Variants in TMC2 observed in about 807,000 individuals in gnomAD.
TMC2 encodes transmembrane channel-like protein 2.
A neutral mutation model predicts 105.9 loss-of-function variants in TMC2; 102 were observed. The ratio of observed to expected loss-of-function variants is 0.96; its 90% CI spans 0.82 to 1.14. The LOEUF (loss-of-function observed/expected upper bound fraction) is 1.14, where lower values mean the gene tolerates loss of function less well. Ranked by LOEUF, TMC2 falls within the 50% of genes most tolerant of loss-of-function variation. The pLI is 0.00. For missense variants in TMC2, 1,093 were observed against 1,134.3 expected (o/e 0.96, Z 0.52); for synonymous variants, 402 against 422.8 (o/e 0.95, Z 0.60).
intron 14 of TMC2, chr20:2,613,800 A>G (rs925302753): frequency 1.0e-4 from 24 of 233,614 alleles, no homozygotes; most frequent in Middle Eastern, 3.2e-3. Context: ...TTCCCCACCT[A>G]CCTGGTAAAT....
Position 2,546,449 on chromosome 20 carries a change from GA to G in TMC2, c.82+9135del, listed in dbSNP as rs1397558173. Among the ~76,000 whole-genome samples, 3 of 132,418 alleles carry G rather than the reference GA, an allele frequency of 2.3e-5. No individual in the cohort carries two copies. The East Asian group carries it at 6.4e-4, about 28-fold the overall frequency. 86.9% of individuals were successfully genotyped at this position (132,418 alleles called of 152,430 possible). ...GAGGCAGGTAAAAGAATAGGAAAGA[GA>G]AGAATATTGATTATAGAGTAGTAAC... On this transcript the variant is annotated intron_variant, in intron 2 of 19. Transcript: ENST00000358864.
intron 4 of TMC2, among the ~76,000 whole-genome samples, chr20:2,571,077 G>C (rs1056114105): frequency 6.6e-6 from 1 of 152,110 alleles, no homozygotes; most frequent in African/African-American, 2.4e-5. Context: ...TATCATTCTG[G>C]ATATTGGCCT....
At chr20:2,547,841 T>G (rs1358937660) in intron 2 of TMC2, among the ~76,000 whole-genome samples, 1 of 152,246 alleles carries the variant, frequency 6.6e-6, no homozygotes, top group East Asian at 1.9e-4. Context: ...ACCTTTATTA[T>G]CTTAAATAAA....
In TMC2 at chr20:2,565,450, C is replaced by T. The variant is rs936925470; in HGVS notation, c.554+3440C>T. Among the ~76,000 whole-genome samples, 3 of 152,256 alleles carry T rather than the reference C, an allele frequency of 2.0e-5. No individual in the cohort carries two copies. In the East Asian group the frequency reaches 5.8e-4, roughly 29 times the overall value. Reference sequence around the variant, plus strand: ...TAGAGACAAGGTCTCGCTATGTTGCCGGGACTGGTCTCGAACTCCTGGGCT... The same window carrying T: ...TAGAGACAAGGTCTCGCTATGTTGCTGGGACTGGTCTCGAACTCCTGGGCT... On this transcript the variant is annotated intron_variant, in intron 4 of 19. Coordinates refer to ENST00000358864, the MANE Select transcript of TMC2 (RefSeq NM_080751.3).
Position 2,642,291 on chromosome 20 carries a change from T to C in TMC2, c.*940T>C, listed in dbSNP as rs754362444. Among the ~76,000 whole-genome samples, 8 of 152,084 alleles carry C rather than the reference T, an allele frequency of 5.3e-5. No individual in the cohort carries two copies. Among genetic ancestry groups the C allele is most frequent in the Non-Finnish European group, 1.5e-5 (1 of 68,018 alleles). On this transcript the variant is annotated 3_prime_UTR_variant, in exon 20 of 20. Coordinates refer to ENST00000358864, the MANE Select transcript of TMC2 (RefSeq NM_080751.3). ...AAAGACCAGTCATGGAGAGTGGGGA[T>C]TGGTGGGAAGACTGGTGATACCCCA...
chr20:2,566,646 T>A (rs1401156078), intron 4 of TMC2, among the ~76,000 whole-genome samples: 1 of 152,166 alleles, frequency 6.6e-6, no homozygotes, highest in African/African-American at 2.4e-5. Context: ...TCCCACTAAG[T>A]ACAATGAAAA....
At chr20:2,541,668 G>GA (rs372660837) in intron 2 of TMC2, among the ~76,000 whole-genome samples, 2 of 149,622 alleles carry the variant, frequency 1.3e-5, no homozygotes. Flanking sequence ...AAGAAAGAAA[G>GA]AAAAAAAAGA....
At position 2,561,914 on chromosome 20, in the gene TMC2, T is replaced by C; in HGVS notation, c.458T>C (p.Leu153Pro). ...SGGESLSEEE[L>P]AQILEQVEEK... ...GGGGAGTCCCTGTCCGAGGAGGAAC[T>C]GGCCCAGATCCTGGAGCAGGTGGAA... is the stretch of plus-strand genomic sequence containing the variant. The change falls in exon 4 of 20, where the codon CTG becomes CCG. Residue 153 changes from leucine to proline, a missense_variant. Leu to Pro is a moderately conservative substitution (Grantham distance 98, BLOSUM62 -3). Coordinates refer to ENST00000358864, the MANE Select transcript of TMC2 (RefSeq NM_080751.3). The C allele has an allele frequency of 6.2e-7, 1 of 1,614,252 alleles. No homozygotes were observed. The highest frequency in any genetic ancestry group is 2.2e-5 in the East Asian group (1 of 44,894).
intron 7 of TMC2, among the ~76,000 whole-genome samples, chr20:2,591,423 G>T (rs2086267013): frequency 6.6e-6 from 1 of 152,126 alleles, no homozygotes. Flanking sequence ...ATGCTCTTCT[G>T]GCTGGGCACG....
chr20:2,625,273 C>T (rs142594084), intron 17 of TMC2, among the ~76,000 whole-genome samples: 11 of 152,168 alleles, frequency 7.2e-5, no homozygotes, highest in East Asian at 3.9e-4. Context: ...ACCATGTACA[C>T]GATCACAAGA....
At chr20:2,601,180 G>C (rs1156482087) in intron 10 of TMC2, among the ~76,000 whole-genome samples, 5 of 152,174 alleles carry the variant, frequency 3.3e-5, no homozygotes, top group African/African-American at 1.2e-4. Context: ...TAGAACAGAG[G>C]TTGGCAAACT....
rs796520290 is a variant in TMC2, at chr20:2,576,900, G to GTTTTTTTTTTTTTTT, written c.646-2234_646-2233insTTTTTTTTTTTTTTT. Among the ~76,000 whole-genome samples the GTTTTTTTTTTTTTTT allele has an allele frequency of 1.7e-5, 2 of 118,682 alleles. 1 individual carries two copies. The allele number at this position is 118,682 out of a possible 152,430, so 77.9% of individuals were successfully genotyped here. ...TTTTTGGGTTTGGGGTTTCTTCTTGGTTTTTTTTTTTTGTTTTTTTTTTTT... is the reference window on the plus strand; with the variant it reads ...TTTTTGGGTTTGGGGTTTCTTCTTGGTTTTTTTTTTTTTTTTTTTTTTTTTTTGTTTTTTTTTTTT... On this transcript the variant is annotated intron_variant, in intron 5 of 19. Transcript: ENST00000358864.
chr20:2,577,783 T>C (rs1020529656), intron 5 of TMC2, among the ~76,000 whole-genome samples: 1 of 152,036 alleles, frequency 6.6e-6, no homozygotes, highest in African/African-American at 2.4e-5. Flanking sequence ...ATGTGGTGGC[T>C]ACTCAGGAGG....
chr20:2,579,911 T>G, intron 6 of TMC2, 39 bp from the exon 7 acceptor site: 1 of 1,421,146 alleles, frequency 7.0e-7, no homozygotes, highest in South Asian at 1.2e-5. Flanking sequence ...CATTTTTTCC[T>G]TCTGCAGCAC....
chr20:2,626,666 C>A (rs1187303825), intron 17 of TMC2, among the ~76,000 whole-genome samples: 2 of 152,324 alleles, frequency 1.3e-5, no homozygotes, highest in East Asian at 3.9e-4. Flanking sequence ...TTTCTCAGGG[C>A]TGATTTATTT....
At chr20:2,576,072 C>T (rs1460824816) in intron 5 of TMC2, among the ~76,000 whole-genome samples, 1 of 152,188 alleles carries the variant, frequency 6.6e-6, no homozygotes, top group Non-Finnish European at 1.5e-5. Context: ...CCCTGTTCTG[C>T]AATAATATTT....
intron 2 of TMC2, among the ~76,000 whole-genome samples, chr20:2,557,171 C>T (rs1343079959): frequency 1.3e-5 from 2 of 152,200 alleles, no homozygotes; most frequent in Non-Finnish European, 1.5e-5. Context: ...AATATTTCTT[C>T]TGTTCCTTTC....
At chr20:2,559,082 G>T (rs4815321) in intron 3 of TMC2, among the ~76,000 whole-genome samples, 99,685 of 151,968 alleles carry the variant, frequency 0.66, 33,386 homozygotes, top group African/African-American at 0.79. Context: ...GTGGAGAGGT[G>T]ACAGGGCAGC....
chr20:2,590,386 G>T (rs1020050493), intron 7 of TMC2, among the ~76,000 whole-genome samples: 13 of 151,894 alleles, frequency 8.6e-5, no homozygotes, highest in Non-Finnish European at 1.6e-4. Context: ...TGGATATATA[G>T]TAGTTAATTT....
Sources: gnomAD v4.1 joint callset for allele counts (sites outside exome capture counted in the v4.1 genomes callset) on GRCh38, gnomAD v4.1.1 for gene constraint, MANE v1.5 for transcripts, NCBI Gene and HGNC (gene_info 2026-07-23, HGNC 2026-07-21) for gene names.